NAV2: variants seen among roughly 807,000 people sequenced by gnomAD.
The protein encoded by NAV2 is helicase, APC down-regulated 1.
In NAV2, 54 loss-of-function variants were observed where a neutral mutation model predicts 223.2. The ratio of observed to expected loss-of-function variants is 0.24; its 90% confidence interval spans 0.19 to 0.30. NAV2 has a LOEUF of 0.30. NAV2 is among the 10% of genes least tolerant of loss of function. The probability of loss-of-function intolerance (pLI) is 1.00; values close to 1 mark genes in which losing one functional copy is unlikely to be tolerated. For synonymous variants in NAV2, 1,279 were observed against 1,239.3 expected (o/e 1.03, Z -0.67); for missense variants, 2,806 against 3,147.5 (o/e 0.89, Z 2.60).
chr11:19,380,318 T>G (rs1848794223), intron 1 of NAV2, among the ~76,000 whole-genome samples: 1 of 152,214 alleles, frequency 6.6e-6, no homozygotes, highest in Non-Finnish European at 1.5e-5. Context: ...TTCCCTTGCA[T>G]TAGATATTTC....
At chr11:19,728,832 G>A (rs777758332) in intron 1 of NAV2, among the ~76,000 whole-genome samples, 9 of 152,224 alleles carry the variant, frequency 5.9e-5, no homozygotes, top group Non-Finnish European at 1.2e-4. Flanking sequence ...TGAGATGGCA[G>A]TGCTCTATTA....
At position 19,608,164 on chromosome 11, in the gene NAV2, A is replaced by G. The variant is rs58205195; in HGVS notation, c.76-224320A>G. ...GCTCTGCATTCCAGCAGAGCAAATG[A>G]GAGGCTTGGGGACTGTTCAGAGCTC... On this transcript the variant is annotated intron_variant, in intron 1 of 37. Coordinates refer to the NAV2 transcript ENST00000360655. Among the ~76,000 whole-genome samples the G allele has an allele frequency of 5.5e-3, 845 of 152,352 alleles. 3 individuals carry two copies. Among genetic ancestry groups the G allele is most frequent in the African/African-American group, 0.019 (803 of 41,590 alleles).
intron 1 of NAV2, among the ~76,000 whole-genome samples, chr11:19,806,021 C>G (rs141255919): frequency 6.6e-6 from 1 of 152,304 alleles, no homozygotes; most frequent in African/African-American, 2.4e-5. Context: ...TTTATTTTGT[C>G]CCCTGATAGC....
chr11:19,389,111 C>A (rs1181722326), intron 1 of NAV2, among the ~76,000 whole-genome samples: 1 of 152,202 alleles, frequency 6.6e-6, no homozygotes, highest in Non-Finnish European at 1.5e-5. Context: ...TACTCATTTC[C>A]CTGATGCCTC....
intron 1 of NAV2, among the ~76,000 whole-genome samples, chr11:19,539,842 G>A (rs554622874): frequency 6.6e-6 from 1 of 152,338 alleles, no homozygotes; most frequent in East Asian, 1.9e-4. Context: ...TCTCTTGAAA[G>A]AGGCCTCACT....
intron 22 of NAV2, among the ~76,000 whole-genome samples, chr11:20,075,519 G>T (rs920534466): frequency 1.3e-5 from 2 of 152,030 alleles, no homozygotes; most frequent in South Asian, 2.1e-4. Context: ...GGGATTACAG[G>T]CATGAGCTAC....
chr11:19,866,134 A>G (rs1011985608), intron 3 of NAV2, among the ~76,000 whole-genome samples: 1 of 152,266 alleles, frequency 6.6e-6, no homozygotes, highest in Admixed American at 6.5e-5. Context: ...CATCTACACA[A>G]TGATGTTGAC....
At chr11:19,741,714 TATATATATA>T (rs2052842281) in intron 1 of NAV2, among the ~76,000 whole-genome samples, 1 of 106,966 alleles carries the variant, frequency 9.3e-6, no homozygotes, top group African/African-American at 3.1e-5. Flanking sequence ...TATATATATA[TATATATATA>T]TATATCACAA....
intron 12 of NAV2, 144 bp downstream of exon 12, chr11:20,036,241 C>T: frequency 1.1e-6 from 1 of 930,554 alleles, no homozygotes. Flanking sequence ...CCTCTGCTCT[C>T]ACCTCCTGAC....
chr11:19,762,812 C>T (rs961671532), intron 1 of NAV2, among the ~76,000 whole-genome samples: 2 of 151,952 alleles, frequency 1.3e-5, no homozygotes, highest in African/African-American at 4.8e-5. Flanking sequence ...CGGGGTTTCA[C>T]CATGTTAGCC....
At chr11:19,604,098 C>T (rs2046419898) in intron 1 of NAV2, among the ~76,000 whole-genome samples, 1 of 152,148 alleles carries the variant, frequency 6.6e-6, no homozygotes, top group African/African-American at 2.4e-5. Flanking sequence ...ATAGGACTTT[C>T]TAGGGCCCAG....
At chr11:20,073,260 C>A (rs928545806) in intron 22 of NAV2, among the ~76,000 whole-genome samples, 1 of 133,116 alleles carries the variant, frequency 7.5e-6, no homozygotes, top group Non-Finnish European at 1.6e-5. Flanking sequence ...TATGTTGAAC[C>A]AGCCTTGCAT....
At chr11:19,986,012 T>C (rs2050764924) in intron 11 of NAV2, among the ~76,000 whole-genome samples, 1 of 152,248 alleles carries the variant, frequency 6.6e-6, no homozygotes, top group South Asian at 2.1e-4. Flanking sequence ...ATTTTGCTTA[T>C]TTGTATTCTT....
At chr11:19,432,197 CA>C (rs35019617) in intron 1 of NAV2, among the ~76,000 whole-genome samples, 70,316 of 129,112 alleles carry the variant, frequency 0.54, 18,233 homozygotes, top group Middle Eastern at 0.69. Context: ...AAACTCCGAC[CA>C]AAAAAAAAAA....
intron 1 of NAV2, among the ~76,000 whole-genome samples, chr11:19,796,856 G>A (rs1258390315): frequency 1.3e-5 from 2 of 152,172 alleles, no homozygotes; most frequent in Non-Finnish European, 2.9e-5. Context: ...GCTGAGATTT[G>A]CACGCTTTCT....
chr11:19,977,536 C>T (rs894774493), intron 10 of NAV2, among the ~76,000 whole-genome samples: 21 of 152,272 alleles, frequency 1.4e-4, no homozygotes, highest in African/African-American at 4.8e-4. Context: ...CTGAACTTGT[C>T]GTGGGGGACA....
intron 1 of NAV2, among the ~76,000 whole-genome samples, chr11:19,689,120 C>T (rs2049099023): frequency 6.6e-6 from 1 of 152,140 alleles, no homozygotes; most frequent in Non-Finnish European, 1.5e-5. Context: ...TCTCAGTATT[C>T]CATTCTTGGC....
At chr11:19,751,690 T>C (rs1285246077) in intron 1 of NAV2, among the ~76,000 whole-genome samples, 2 of 152,238 alleles carry the variant, frequency 1.3e-5, no homozygotes, top group Non-Finnish European at 2.9e-5. Context: ...CTTCCTTTAT[T>C]TTCATAGCAT....
chr11:19,380,040 T>A (rs1298915645), intron 1 of NAV2, among the ~76,000 whole-genome samples: 1 of 152,180 alleles, frequency 6.6e-6, no homozygotes, highest in East Asian at 1.9e-4. Flanking sequence ...ACGGCCATGA[T>A]GGTTTTTACC....
Sources: gnomAD v4.1 joint callset for allele counts (sites outside exome capture counted in the v4.1 genomes callset) on GRCh38, gnomAD v4.1.1 for gene constraint, MANE v1.5 for transcripts, NCBI Gene and HGNC (gene_info 2026-07-23, HGNC 2026-07-21) for gene names.